TMEM163: variants seen among roughly 807,000 people sequenced by gnomAD.
TMEM163 encodes transmembrane protein 163.
TMEM163 carries 17 observed loss-of-function variants against 29.3 expected under a neutral mutation model. That is an observed-to-expected ratio of 0.58 (90% CI 0.40 to 0.87). The LOEUF (loss-of-function observed/expected upper bound fraction) is 0.87. Among genes scored for constraint, TMEM163 ranks in the 40% least tolerant of loss-of-function variants. The pLI, the probability that TMEM163 is intolerant of heterozygous loss-of-function variation, is 0.00. For synonymous variants in TMEM163, 157 were observed against 160.6 expected, an observed-to-expected ratio of 0.98 and a Z score of 0.17; for missense variants, 303 against 381.5, an observed-to-expected ratio of 0.79 and a Z score of 1.71.
chr2:134,576,333 T>C (rs1348634966), intron 2 of TMEM163, among the ~76,000 whole-genome samples: 2 of 152,116 alleles, frequency 1.3e-5, no homozygotes, highest in East Asian at 3.9e-4. Flanking sequence ...CACCAAACCC[T>C]AAACCAGAAA....
chr2:134,535,174 C>T (rs1273192764), intron 4 of TMEM163, among the ~76,000 whole-genome samples: 1 of 152,162 alleles, frequency 6.6e-6, no homozygotes, highest in African/African-American at 2.4e-5. Flanking sequence ...AGAATTTGAA[C>T]TTGGATTTTA....
chr2:134,462,000 T>C (rs1451191012), intron 6 of TMEM163, among the ~76,000 whole-genome samples: 6 of 152,148 alleles, frequency 3.9e-5, no homozygotes, highest in African/African-American at 1.2e-4. Flanking sequence ...AATCAATGAA[T>C]GTAAGAAGCC....
chr2:134,495,652 G>A (rs1480201627), intron 5 of TMEM163, among the ~76,000 whole-genome samples: 2 of 152,334 alleles, frequency 1.3e-5, no homozygotes, highest in East Asian at 1.9e-4. Flanking sequence ...TTTGGCCTGA[G>A]CTCCTGCACT....
intron 4 of TMEM163, among the ~76,000 whole-genome samples, chr2:134,512,909 G>A (rs1201215044): frequency 1.3e-5 from 2 of 152,302 alleles, no homozygotes; most frequent in Non-Finnish European, 1.5e-5. Context: ...CACTATCCAG[G>A]CCAGGTGAAG....
intron 2 of TMEM163, among the ~76,000 whole-genome samples, chr2:134,662,622 T>C (rs1683781151): frequency 6.6e-6 from 1 of 152,198 alleles, no homozygotes; most frequent in African/African-American, 2.4e-5. Flanking sequence ...TCTTATTCTC[T>C]CCTTTTATCT....
At chr2:134,519,069 G>A (rs1025754148) in intron 4 of TMEM163, among the ~76,000 whole-genome samples, 27 of 152,202 alleles carry the variant, frequency 1.8e-4, no homozygotes, top group African/African-American at 4.6e-4. Context: ...GGATCAGGAC[G>A]TTCTCCTGGA....
At chr2:134,626,094 C>CTTTTTTTTTTT (rs146008537) in intron 2 of TMEM163, among the ~76,000 whole-genome samples, 1 of 66,256 alleles carries the variant, frequency 1.5e-5, no homozygotes, top group Non-Finnish European at 2.9e-5. Context: ...ACTTTTCCAG[C>CTTTTTTTTTTT]TTTTTTTTTT....
chr2:134,537,623 C>CA (rs1243379020), intron 4 of TMEM163, among the ~76,000 whole-genome samples: 1 of 152,212 alleles, frequency 6.6e-6, no homozygotes, highest in Non-Finnish European at 1.5e-5. Context: ...AATAGACACC[C>CA]AGACAAGGTC....
intron 2 of TMEM163, among the ~76,000 whole-genome samples, chr2:134,588,191 C>T (rs1167947795): frequency 6.6e-6 from 1 of 152,220 alleles, no homozygotes; most frequent in African/African-American, 2.4e-5. Context: ...TGAGCAGATC[C>T]TGGAGAATCA....
At chr2:134,582,091 T>C (rs1439885226) in intron 2 of TMEM163, among the ~76,000 whole-genome samples, 1 of 152,134 alleles carries the variant, frequency 6.6e-6, no homozygotes, top group African/African-American at 2.4e-5. Flanking sequence ...ACTTTCAGTT[T>C]CCTAGAAACC....
intron 5 of TMEM163, among the ~76,000 whole-genome samples, chr2:134,500,382 C>G (rs1679671224): frequency 6.6e-6 from 1 of 152,236 alleles, no homozygotes; most frequent in African/African-American, 2.4e-5. Flanking sequence ...GCAGCATTTA[C>G]CTGGCCCCGT....
intron 2 of TMEM163, among the ~76,000 whole-genome samples, chr2:134,592,952 T>C (rs1416651788): frequency 6.6e-6 from 1 of 151,994 alleles, no homozygotes; most frequent in Non-Finnish European, 1.5e-5. Context: ...GTACCATCTA[T>C]TCTCATAGTG....
chr2:134,584,339 C>T (rs1164384505), intron 2 of TMEM163, among the ~76,000 whole-genome samples: 4 of 152,334 alleles, frequency 2.6e-5, no homozygotes, highest in East Asian at 3.9e-4. Flanking sequence ...GCAAAAACCA[C>T]AGACTCACTG....
chr2:134,679,233 G>A (rs1253203340), intron 2 of TMEM163, among the ~76,000 whole-genome samples: 1 of 152,212 alleles, frequency 6.6e-6, no homozygotes, highest in Non-Finnish European at 1.5e-5. Context: ...ACAATCAGCG[G>A]AGCCATGCTG....
chr2:134,516,744 T>TATATATATATGAATAGATATATATGTGC (rs1680075771), intron 4 of TMEM163, among the ~76,000 whole-genome samples: 1 of 136,134 alleles, frequency 7.3e-6, no homozygotes, highest in Non-Finnish European at 1.6e-5. Context: ...TATATATGCA[T>TATATATATATGAATAGATATATATGTGC]ATATATATGA....
chr2:134,684,468 A>T (rs763388260), intron 2 of TMEM163, among the ~76,000 whole-genome samples: 2 of 152,160 alleles, frequency 1.3e-5, no homozygotes, highest in Non-Finnish European at 2.9e-5. Flanking sequence ...TCCAAGGCCA[A>T]GGACAATGGG....
intron 4 of TMEM163, among the ~76,000 whole-genome samples, chr2:134,514,120 T>G (rs1680004894): frequency 6.6e-6 from 1 of 152,126 alleles, no homozygotes; most frequent in Admixed American, 6.5e-5. Flanking sequence ...AGACGCCACC[T>G]CTTGATGGAG....
intron 2 of TMEM163, among the ~76,000 whole-genome samples, chr2:134,585,740 T>G (rs1681808534): frequency 1.2e-5 from 1 of 86,648 alleles, no homozygotes. Context: ...AGACTCCGTC[T>G]CAAAAAAAAA....
rs375694035 is a variant in TMEM163, at chr2:134,678,392, T to C, written c.322+34808A>G. Among the ~76,000 whole-genome samples, 12 of 152,342 alleles carry C rather than the reference T, an allele frequency of 7.9e-5. 1 individual carries two copies. In the East Asian group the frequency reaches 1.9e-3, roughly 24 times the overall value. The stretch of plus-strand genomic sequence containing the variant: ...GAAACACGTGAATCTGTTATTCTCA[T>C]TGGCTGCCTTTTCAGACTTTAGGGT... On this transcript the variant is annotated intron_variant, in intron 2 of 7. Coordinates refer to ENST00000281924, the MANE Select transcript of TMEM163 (RefSeq NM_030923.5).
Sources: gnomAD v4.1 joint callset for allele counts (sites outside exome capture counted in the v4.1 genomes callset) on GRCh38, gnomAD v4.1.1 for gene constraint, MANE v1.5 for transcripts, NCBI Gene and HGNC (gene_info 2026-07-23, HGNC 2026-07-21) for gene names.